Variants in KCNN1 observed in about 807,000 individuals in gnomAD.
The protein encoded by KCNN1 is potassium calcium-activated channel subfamily N member 1, also known as small conductance calcium-activated potassium channel protein 1.
A neutral mutation model predicts 44.7 loss-of-function variants in KCNN1; 20 were observed. The ratio of observed to expected loss-of-function variants is 0.45; its 90% CI spans 0.32 to 0.65. The LOEUF is 0.65. KCNN1 is among the 30% of genes least tolerant of loss of function. The probability of loss-of-function intolerance (pLI) is 0.05; values close to 1 mark genes in which losing one functional copy is unlikely to be tolerated. For missense variants in KCNN1, 632 were observed against 785.3 expected (o/e 0.80, Z 2.33); for synonymous variants, 324 against 341.7 (o/e 0.95, Z 0.57).
At chr19:17,976,082 A>G (rs1297664873) in intron 3 of KCNN1, among the ~76,000 whole-genome samples, 1 of 152,058 alleles carries the variant, frequency 6.6e-6, no homozygotes, top group Non-Finnish European at 1.5e-5. Context: ...TTGGGAGGCC[A>G]AGGCGGGTGG....
intron 9 of KCNN1, among the ~76,000 whole-genome samples, chr19:17,995,134 A>C (rs565486656): frequency 8.9e-4 from 135 of 152,112 alleles, no homozygotes; most frequent in African/African-American, 3.2e-3. Flanking sequence ...AATCTAGCTT[A>C]ATATTAACCT....
In KCNN1 at chr19:17,989,786, A is replaced by C; in HGVS notation, c.1241A>C (p.Lys414Thr). Reference sequence around the variant, plus strand: ...TACAAACATACCAGGCTGGTGAAGAAGCCAGACCAAGCCCGGGTTCGGAAA... The same window carrying C: ...TACAAACATACCAGGCTGGTGAAGACGCCAGACCAAGCCCGGGTTCGGAAA... ...LIYKHTRLVK[K>T]PDQARVRKHQ... The change falls in exon 7 of 10, where the codon AAG (lysine) becomes ACG (threonine). Residue 414 changes from lysine (K) to threonine (T), a missense_variant. Physicochemically the swap from Lys to Thr is moderately conservative, Grantham distance 78. Coordinates refer to ENST00000684775, the MANE Select transcript of KCNN1 (RefSeq NM_001386974.1). 1 of 1,613,976 alleles carries C rather than the reference A, an allele frequency of 6.2e-7. No homozygotes were observed.
rs2033094482 is a variant in KCNN1 at position 17,998,855 on chromosome 19, C to T, written c.*449C>T. On this transcript the variant is annotated 3_prime_UTR_variant, in exon 10 of 10. Coordinates refer to ENST00000684775, the MANE Select transcript of KCNN1 (RefSeq NM_001386974.1). This position sits in a 1 kb window ranked among gnomAD's most constrained non-coding sequence, Gnocchi z 5.4. ...GAATCCTAGCCTAGAAGCCCTCTCT[C>T]CCTCTGGGCTGGAGCTCAGTGAGGG... The T allele has an allele frequency of 6.4e-6, 1 of 155,342 alleles. No homozygotes were observed. Among genetic ancestry groups the T allele is most frequent in the South Asian group, 2.0e-4 (1 of 4,918 alleles). The allele number at this position is 155,342 out of a possible 1,614,324, so 9.6% of individuals were successfully genotyped here. A position where few individuals can be genotyped will look rare whatever the true frequency, so the allele number is the denominator to read the frequency against.
intron 2 of KCNN1, among the ~76,000 whole-genome samples, chr19:17,960,384 C>T (rs1440685358): frequency 1.3e-5 from 2 of 152,042 alleles, no homozygotes; most frequent in Non-Finnish European, 2.9e-5. Context: ...AATCCTAGCA[C>T]TTTGGGAGGC....
chr19:17,996,775 A>G (rs891112743), intron 9 of KCNN1, among the ~76,000 whole-genome samples: 1 of 152,154 alleles, frequency 6.6e-6, no homozygotes, highest in Non-Finnish European at 1.5e-5. Flanking sequence ...AGGCCCCCAC[A>G]AGGTGTTTGC....
At chr19:17,976,543 C>G (rs1392941354) in intron 3 of KCNN1, among the ~76,000 whole-genome samples, 1 of 151,014 alleles carries the variant, frequency 6.6e-6, no homozygotes, top group Non-Finnish European at 1.5e-5. Context: ...TTCAGCCTCC[C>G]GAGCAGCTGG....
In KCNN1 at chr19:17,974,377, C is replaced by G; in HGVS notation, c.402+87C>G. On this transcript the variant is annotated intron_variant, in intron 2 of 9. Coordinates refer to ENST00000684775, the MANE Select transcript of KCNN1 (RefSeq NM_001386974.1). This position sits in a 1 kb window ranked among gnomAD's most constrained non-coding sequence, Gnocchi z 7.3. The stretch of plus-strand genomic sequence containing the variant: ...GACATGGGGTTGGGGGTGGCAGGGC[C>G]CCCCGGGAGATAGGGAGTGTTAGGG... 1 of 1,418,220 alleles carries G rather than the reference C, an allele frequency of 7.1e-7. No individual in the cohort carries two copies. The highest frequency in any genetic ancestry group is 9.3e-7 in the Non-Finnish European group (1 of 1,073,864). 87.9% of individuals were successfully genotyped at this position (1,418,220 alleles called of 1,614,324 possible).
intron 3 of KCNN1, among the ~76,000 whole-genome samples, chr19:17,976,723 T>C (rs1319793518): frequency 6.6e-5 from 9 of 137,164 alleles, no homozygotes; most frequent in Non-Finnish European, 1.2e-4. Flanking sequence ...CAGCATAACC[T>C]TTTTTTTTTT....
chr19:17,986,948 AG>A (rs532670750), intron 5 of KCNN1, among the ~76,000 whole-genome samples: 230 of 152,090 alleles, frequency 1.5e-3, no homozygotes, highest in African/African-American at 5.4e-3. Flanking sequence ...CTGGAATTAC[AG>A]GCGCCTGCCA....
chr19:17,956,594 T>A (rs564122861), intron 2 of KCNN1, among the ~76,000 whole-genome samples: 18 of 151,266 alleles, frequency 1.2e-4, no homozygotes, highest in African/African-American at 3.4e-4. Flanking sequence ...TTTTTTTTTT[T>A]AAATTAACCA....
At chr19:17,955,424 G>C (rs1451645104) in intron 2 of KCNN1, among the ~76,000 whole-genome samples, 1 of 151,316 alleles carries the variant, frequency 6.6e-6, no homozygotes, top group East Asian at 1.9e-4. Context: ...AGCCAGGCAT[G>C]GTGCTGCATG....
At position 17,974,056 on chromosome 19, in the gene KCNN1, C is replaced by T. The variant is rs374298703; in HGVS notation, c.168C>T (p.Pro56=). 2.1e-5 allele frequency: 34 copies of T among 1,610,484 alleles called. No individual in the cohort carries two copies. The highest frequency in any genetic ancestry group is 2.0e-4 in the East Asian group (9 of 44,836). Residue 56 remains proline (P), a synonymous_variant, in exon 2 of 10, where the codon CCC becomes CCT. Transcript: ENST00000684775. The surrounding 1 kb of genome is among the most constrained non-coding windows in gnomAD (Gnocchi z 7.3). ...VAKSEPARPS[P]GSPRGQPQDQ... is the part of the protein sequence containing the mutation. ...AGAGTGAGCCAGCCCGGCCCTCACCCGGCAGCCCCCGGGGGCAGCCCCAGG... is the reference window on the plus strand; with the variant it reads ...AGAGTGAGCCAGCCCGGCCCTCACCTGGCAGCCCCCGGGGGCAGCCCCAGG...
intron 5 of KCNN1, among the ~76,000 whole-genome samples, chr19:17,987,517 A>G (rs949758348): frequency 1.3e-5 from 2 of 151,964 alleles, no homozygotes; most frequent in African/African-American, 4.8e-5. Flanking sequence ...CTTGCTGTCT[A>G]GTATTCTAGG....
At position 17,997,168 on chromosome 19, in the gene KCNN1, C is replaced by G. The variant is rs371050148; in HGVS notation, c.1378-984C>G. Reference sequence around the variant, plus strand: ...TAACAGTAATTGTGGCTGTCGTGTTCCCAGTCTGTGATTGCGTCAGATTCT... The same window carrying G: ...TAACAGTAATTGTGGCTGTCGTGTTGCCAGTCTGTGATTGCGTCAGATTCT... On this transcript the variant is annotated intron_variant, in intron 9 of 9. Transcript: ENST00000684775. Among the ~76,000 whole-genome samples the G allele has an allele frequency of 1.8e-4, 28 of 152,294 alleles. No homozygotes were observed. The East Asian group carries it at 5.0e-3, about 27-fold the overall frequency.
chr19:17,964,442 C>T (rs991691002), upstream of KCNN1, among the ~76,000 whole-genome samples: 8 of 152,230 alleles, frequency 5.3e-5, no homozygotes, highest in African/African-American at 1.2e-4. This position sits in a 1 kb window ranked among gnomAD's most constrained non-coding sequence, Gnocchi z 4.3. Context: ...AGGCCCCCTG[C>T]GGAGGGGCTT....
rs369683866 is a variant in KCNN1 at position 17,970,940 on chromosome 19, G to A, written c.-81-2868G>A. 2.1e-4 allele frequency among the ~76,000 whole-genome samples: 32 copies of A among 150,674 alleles called. No homozygotes were observed. In the East Asian group the frequency reaches 4.5e-3, roughly 21 times the overall value. On this transcript the variant is annotated intron_variant, in intron 1 of 9. Coordinates refer to ENST00000684775, the MANE Select transcript of KCNN1 (RefSeq NM_001386974.1). ...ACTCTGTTGCCCAGGCTGGAGTGCAGTGGCGTGATCTCAGCTCACTGCAGC... is the reference window on the plus strand; with the variant it reads ...ACTCTGTTGCCCAGGCTGGAGTGCAATGGCGTGATCTCAGCTCACTGCAGC...
Position 17,981,702 on chromosome 19 carries a change from T to C in KCNN1, c.499-7T>C, listed in dbSNP as rs1438263557. On this transcript the variant is annotated splice_region_variant and splice_polypyrimidine_tract_variant and intron_variant, in intron 3 of 9. Coordinates refer to ENST00000684775, the MANE Select transcript of KCNN1 (RefSeq NM_001386974.1). ...ACCCATGGCTGGTTCCCTCCCGCCC[T>C]CCACAGCTGTTCATGGTGGACAACG... The C allele has an allele frequency of 2.6e-6, 4 of 1,567,898 alleles. No homozygotes were observed. The Admixed American group carries it at 6.9e-5, about 27-fold the overall frequency.
At position 17,999,069 on chromosome 19, in the gene KCNN1, T is replaced by G. The variant is rs1304111247; in HGVS notation, c.*663T>G. 2.0e-5 allele frequency: 3 copies of G among 152,270 alleles called. No individual in the cohort carries two copies. The highest frequency in any genetic ancestry group is 4.4e-5 in the Non-Finnish European group (3 of 68,084). 9.4% of individuals were successfully genotyped at this position (152,270 alleles called of 1,614,324 possible). Reference sequence around the variant, plus strand: ...GTGAGGAAGGTCATTTGGGTTTTTGTGAGATTTGTATTGAGCACCTGCTGT... The same window carrying G: ...GTGAGGAAGGTCATTTGGGTTTTTGGGAGATTTGTATTGAGCACCTGCTGT... On this transcript the variant is annotated 3_prime_UTR_variant, in exon 10 of 10. Coordinates refer to ENST00000684775, the MANE Select transcript of KCNN1 (RefSeq NM_001386974.1).
Position 17,993,487 on chromosome 19 carries a change from C to T in KCNN1, c.1308-3C>T. On this transcript the variant is annotated splice_region_variant and splice_polypyrimidine_tract_variant and intron_variant, in intron 8 of 9. Coordinates refer to ENST00000684775, the MANE Select transcript of KCNN1 (RefSeq NM_001386974.1). The surrounding 1 kb of genome is among the most constrained non-coding windows in gnomAD (Gnocchi z 4.5). ...CCCCTCCCCCAACCCCGTGTCCCCA[C>T]AGGCTCCGGAGTGTGAAGATCGAGC... is the stretch of plus-strand genomic sequence containing the variant. 6.2e-7 allele frequency: 1 copy of T among 1,613,214 alleles called. No individual in the cohort carries two copies. Among genetic ancestry groups the T allele is most frequent in the Non-Finnish European group, 8.5e-7 (1 of 1,179,418 alleles).
Sources: gnomAD v4.1 joint callset for allele counts (sites outside exome capture counted in the v4.1 genomes callset) on GRCh38, gnomAD v4.1.1 for gene constraint, Gnocchi (gnomAD v3.1) non-coding constraint, MANE v1.5 for transcripts, NCBI Gene and HGNC (gene_info 2026-07-23, HGNC 2026-07-21) for gene names.